The following SPATA9 variants were observed in gnomAD, a reference collection of about 807,000 sequenced individuals.
SPATA9 encodes spermatogenesis associated 9.
Under a neutral mutation model 25.5 loss-of-function variants are expected in SPATA9, and 27 were observed. That is an observed-to-expected ratio of 1.06 (90% CI 0.78 to 1.46). The LOEUF (loss-of-function observed/expected upper bound fraction) is 1.46. Ranked by LOEUF, SPATA9 falls within the 40% of genes most tolerant of loss-of-function variation. The pLI is 0.00. For missense variants in SPATA9, 282 were observed against 297.5 expected, an observed-to-expected ratio of 0.95 and a Z score of 0.38; for synonymous variants, 102 against 105.7, an observed-to-expected ratio of 0.97 and a Z score of 0.21.
At chr5:95,718,222 G>C in the SPATA9 span, among the ~76,000 whole-genome samples, 3 of 152,282 alleles carry the variant, frequency 2.0e-5, no homozygotes, top group East Asian at 3.9e-4. Context: ...AATAGCTAGA[G>C]ACTTGCATAT....
chr5:95,661,229 C>T (rs368253339), intron 4 of SPATA9, among the ~76,000 whole-genome samples: 34 of 152,190 alleles, frequency 2.2e-4, no homozygotes, highest in African/African-American at 7.7e-4. Context: ...TTCTGCCTTT[C>T]TGATTGTTGC....
chr5:95,705,673 A>G, the SPATA9 span, among the ~76,000 whole-genome samples: 1 of 152,238 alleles, frequency 6.6e-6, no homozygotes, highest in African/African-American at 2.4e-5. Flanking sequence ...TATAATGATT[A>G]TAAACTAGAT....
intron 4 of SPATA9, among the ~76,000 whole-genome samples, chr5:95,662,104 G>T (rs1751321526): frequency 6.6e-6 from 1 of 151,658 alleles, no homozygotes; most frequent in Non-Finnish European, 1.5e-5. Flanking sequence ...ATAGAACAGA[G>T]AATCCATAAA....
intron 1 of SPATA9, among the ~76,000 whole-genome samples, chr5:95,691,937 CTATGAA>C (rs1394032503): frequency 1.3e-5 from 2 of 152,108 alleles, no homozygotes; most frequent in Non-Finnish European, 2.9e-5. Flanking sequence ...ATTTCATAAT[CTATGAA>C]TATGATCGCT....
intron 3 of SPATA9, among the ~76,000 whole-genome samples, chr5:95,670,043 A>G (rs971558127): frequency 2.0e-5 from 3 of 152,068 alleles, no homozygotes; most frequent in African/African-American, 7.2e-5. Context: ...ATCTGTGCAC[A>G]TGTCTCAGGC....
exon 9 of SPATA9, chr5:95,653,100 AT>A (rs1750458980): frequency 6.4e-7 from 1 of 1,551,004 alleles, no homozygotes; most frequent in Non-Finnish European, 8.7e-7. Flanking sequence ...AGGCTTTTGT[AT>A]TTGCTCTTCT....
chr5:95,688,155 C>T (rs1206087712), intron 1 of SPATA9, among the ~76,000 whole-genome samples: 1 of 152,164 alleles, frequency 6.6e-6, no homozygotes, highest in Non-Finnish European at 1.5e-5. Flanking sequence ...AGCAAAACAT[C>T]ATCCTAAGTG....
chr5:95,689,498 G>C (rs1753832040), intron 1 of SPATA9, among the ~76,000 whole-genome samples: 1 of 152,078 alleles, frequency 6.6e-6, no homozygotes, highest in Admixed American at 6.5e-5. Flanking sequence ...ATAACACCTA[G>C]AAAGGATTTA....
At chr5:95,731,467 T>G in the SPATA9 span, 1 of 1,219,092 alleles carries the variant, frequency 8.2e-7, no homozygotes, top group Non-Finnish European at 1.0e-6. Context: ...AGCGGCAGCT[T>G]ATCCCCCGCC....
chr5:95,732,063 G>C, the SPATA9 span: 1 of 1,614,212 alleles, frequency 6.2e-7, no homozygotes, highest in Non-Finnish European at 8.5e-7. Flanking sequence ...TCAAGCTGGT[G>C]GTCCACGACT....
At chr5:95,692,096 C>G (rs923609927) in intron 1 of SPATA9, among the ~76,000 whole-genome samples, 1 of 151,974 alleles carries the variant, frequency 6.6e-6, no homozygotes, top group Non-Finnish European at 1.5e-5. Flanking sequence ...TAATTTTTGC[C>G]ACTATATTCA....
chr5:95,723,475 G>T, the SPATA9 span, among the ~76,000 whole-genome samples: 3 of 152,202 alleles, frequency 2.0e-5, no homozygotes, highest in African/African-American at 7.2e-5. Flanking sequence ...CTGACTAAAT[G>T]GTTATTGGCT....
Position 95,658,858 on chromosome 5 carries a change from T to G in SPATA9, c.530A>C (p.Glu177Ala). Reference protein sequence around the residue: ...KKVKNIFQEEESIRQNREESE... With the variant: ...KKVKNIFQEEASIRQNREESE... The stretch of plus-strand genomic sequence containing the variant: ...CTCCTCTCTGTTTTGCCTTATGGAT[T>G]CTTCTTCCTGGAAGATGTTCTTTAC... The change falls in exon 5 of 5, where the codon GAA (glutamate) becomes GCA (alanine). Residue 177 changes from glutamate (E) to alanine (A), a missense_variant. Coordinates refer to ENST00000274432, the MANE Select transcript of SPATA9 (RefSeq NM_031952.4). The G allele has an allele frequency of 6.2e-7, 1 of 1,613,932 alleles. No homozygotes were observed. Among genetic ancestry groups the G allele is most frequent in the Non-Finnish European group, 8.5e-7 (1 of 1,179,874 alleles).
intron 1 of SPATA9, among the ~76,000 whole-genome samples, chr5:95,692,872 A>C (rs1034882247): frequency 6.6e-6 from 1 of 152,158 alleles, no homozygotes; most frequent in African/African-American, 2.4e-5. Flanking sequence ...TTTTTTTCAC[A>C]AATGTTCTAA....
intron 3 of SPATA9, among the ~76,000 whole-genome samples, chr5:95,668,415 T>C (rs1048762506): frequency 6.6e-6 from 1 of 152,238 alleles, no homozygotes; most frequent in Non-Finnish European, 1.5e-5. Flanking sequence ...TTTTCAACTT[T>C]ATGATTCACT....
the SPATA9 span, among the ~76,000 whole-genome samples, chr5:95,704,632 T>G: frequency 6.6e-6 from 1 of 152,150 alleles, no homozygotes; most frequent in African/African-American, 2.4e-5. Flanking sequence ...ATATATTGCC[T>G]TAAAAATAAA....
At chr5:95,697,197 G>A (rs1754045146) in intron 1 of SPATA9, among the ~76,000 whole-genome samples, 1 of 152,082 alleles carries the variant, frequency 6.6e-6, no homozygotes, top group African/African-American at 2.4e-5. Flanking sequence ...CTGTTGGCTG[G>A]GCTATGGTCT....
the SPATA9 span, chr5:95,731,103 G>C: frequency 9.9e-6 from 11 of 1,106,582 alleles, no homozygotes; most frequent in African/African-American, 5.0e-5. Flanking sequence ...GGGAGCTCTC[G>C]GGCTGGGGCG....
chr5:95,712,887 GT>G, the SPATA9 span, among the ~76,000 whole-genome samples: 3 of 149,642 alleles, frequency 2.0e-5, no homozygotes, highest in Non-Finnish European at 4.4e-5. Context: ...TCCATGTTCA[GT>G]TTTTTTAATT....
Sources: allele counts gnomAD v4.1 joint callset (sites outside exome capture counted in the v4.1 genomes callset), GRCh38; gene constraint gnomAD v4.1.1; transcripts MANE v1.5; gene names NCBI Gene and HGNC (gene_info 2026-07-23, HGNC 2026-07-21).